SPAG1: variants seen among roughly 807,000 people sequenced by gnomAD.
SPAG1 encodes the protein sperm-associated antigen 1.
In SPAG1, 69 loss-of-function variants were observed where a neutral mutation model predicts 100.5. The observed-to-expected ratio is 0.69, with a 90% CI of 0.57 to 0.84. SPAG1 has a LOEUF of 0.84. Among genes scored for constraint, SPAG1 ranks in the 40% least tolerant of loss-of-function variants. SPAG1 has a pLI of 0.00. For missense variants in SPAG1, 955 were observed against 1,133.1 expected, an observed-to-expected ratio of 0.84 and a Z score of 2.26; for synonymous variants, 336 against 411.6, an observed-to-expected ratio of 0.82 and a Z score of 2.22.
At chr8:100,197,538 C>A (rs1036646731) in intron 10 of SPAG1, among the ~76,000 whole-genome samples, 7 of 152,138 alleles carry the variant, frequency 4.6e-5, no homozygotes, top group Admixed American at 4.6e-4. Flanking sequence ...GCCTTGGACA[C>A]AAGAGAAGCA....
chr8:100,212,427 A>T (rs1036215981), intron 10 of SPAG1, among the ~76,000 whole-genome samples: 21 of 152,208 alleles, frequency 1.4e-4, no homozygotes, highest in Non-Finnish European at 2.6e-4. Context: ...TCCTTTTTAT[A>T]TTTAAAAATA....
intron 3 of SPAG1, among the ~76,000 whole-genome samples, chr8:100,170,925 C>T (rs1303051882): frequency 6.6e-6 from 1 of 151,948 alleles, no homozygotes; most frequent in Non-Finnish European, 1.5e-5. Context: ...TCGCCTATTT[C>T]CCAGTCTTAC....
At chr8:100,231,310 A>G (rs1363054904) in intron 15 of SPAG1, 22 bp downstream of exon 15, 4 of 1,413,642 alleles carry the variant, frequency 2.8e-6, no homozygotes, top group East Asian at 4.6e-5. Context: ...GTAACTTTAT[A>G]TATTTCTTAT....
At chr8:100,190,663 C>CTTTT (rs758612610) in intron 8 of SPAG1, among the ~76,000 whole-genome samples, 5 of 111,796 alleles carry the variant, frequency 4.5e-5, no homozygotes, top group Non-Finnish European at 5.3e-5. Context: ...CTTTTTTTTT[C>CTTTT]TTTTTTTTTT....
At chr8:100,165,506 G>A (rs575259984) in intron 2 of SPAG1, 6 of 362,842 alleles carry the variant, frequency 1.7e-5, no homozygotes, top group Non-Finnish European at 3.1e-5. Context: ...CAGAACCCAC[G>A]CCAACTCCGC....
chr8:100,174,970 C>CTT (rs71274961), intron 3 of SPAG1, among the ~76,000 whole-genome samples: 1 of 136,346 alleles, frequency 7.3e-6, no homozygotes. Flanking sequence ...TATTTCATGG[C>CTT]TTTTTTTTTT....
Position 100,190,939 on chromosome 8 carries a change from G to A in SPAG1, c.833-451G>A, listed in dbSNP as rs367592481. Among the ~76,000 whole-genome samples, 26 of 152,044 alleles carry A rather than the reference G, an allele frequency of 1.7e-4. 1 individual carries two copies. Among genetic ancestry groups the A allele is most frequent in the African/African-American group, 6.3e-4 (26 of 41,482 alleles). On this transcript the variant is annotated intron_variant, in intron 8 of 18. Coordinates refer to ENST00000388798, the MANE Select transcript of SPAG1 (RefSeq NM_003114.5). Reference sequence around the variant, plus strand: ...CCCACCTCAGGCCCCCAAATTGTTGGGATTACAGGTGTGAGCCACTGTGCC... The same window carrying A: ...CCCACCTCAGGCCCCCAAATTGTTGAGATTACAGGTGTGAGCCACTGTGCC...
At chr8:100,191,283 T>TA in intron 8 of SPAG1, 107 bp from the exon 9 acceptor site, 1 of 688,270 alleles carries the variant, frequency 1.5e-6, no homozygotes, top group Non-Finnish European at 2.5e-6. Flanking sequence ...TTTGGGTAAT[T>TA]ACATCCTAAA....
At position 100,168,151 on chromosome 8, in the gene SPAG1, G is replaced by A. The variant is rs1402151563; in HGVS notation, c.300+2178G>A. Among the ~76,000 whole-genome samples the A allele has an allele frequency of 2.0e-5, 3 of 152,134 alleles. No homozygotes were observed. In the East Asian group the frequency reaches 5.8e-4, roughly 29 times the overall value. On this transcript the variant is annotated intron_variant, in intron 3 of 18. Transcript: ENST00000388798. ...GACTGCCAAAATGTTTTCCAAAGTG[G>A]CTGTACCATTGTGCAATCCTGACAG... is the stretch of plus-strand genomic sequence containing the variant.
intron 10 of SPAG1, among the ~76,000 whole-genome samples, chr8:100,206,813 C>T (rs1210786202): frequency 1.3e-5 from 2 of 152,288 alleles, no homozygotes; most frequent in East Asian, 1.9e-4. Flanking sequence ...GCCCATTTAT[C>T]GAGTGACCTG....
chr8:100,160,604 G>A (rs1383024475), intron 1 of SPAG1, among the ~76,000 whole-genome samples: 1 of 145,708 alleles, frequency 6.9e-6, no homozygotes, highest in Admixed American at 7.0e-5. Flanking sequence ...TCCAGCCTGG[G>A]TGACAGAGCA....
intron 2 of SPAG1, 141 bp from the exon 3 acceptor site, chr8:100,165,673 C>A: frequency 1.6e-6 from 1 of 608,668 alleles, no homozygotes; most frequent in Non-Finnish European, 2.9e-6. Flanking sequence ...GGAGACTATG[C>A]GGGTTAAGGA....
At position 100,240,502 on chromosome 8, in the gene SPAG1, G is replaced by A. The variant is rs763331774; in HGVS notation, c.2380G>A (p.Asp794Asn). 3 of 1,614,036 alleles carry A rather than the reference G, an allele frequency of 1.9e-6. No homozygotes were observed. Among genetic ancestry groups the A allele is most frequent in the East Asian group, 2.2e-5 (1 of 44,900 alleles). The change falls in exon 18 of 19, where the codon GAC becomes AAC. Residue 794 changes from aspartate to asparagine, a missense_variant. By Grantham distance (23) the Asp-to-Asn change is conservative. Transcript: ENST00000388798. ...AGGCAAAAGCAGCAGGTCACCAGAA[G>A]ACCCTGAGAAACTTCCGATAGCCAA... ...KGGKSSRSPE[D>N]PEKLPIAKPN...
intron 4 of SPAG1, among the ~76,000 whole-genome samples, chr8:100,183,073 A>G (rs1816433287): frequency 6.6e-6 from 1 of 152,152 alleles, no homozygotes; most frequent in African/African-American, 2.4e-5. Flanking sequence ...TCCCAGGTTC[A>G]AGCAATTCTC....
At chr8:100,177,769 G>C in intron 3 of SPAG1, 47 bp from the exon 4 acceptor site, 1 of 1,156,524 alleles carries the variant, frequency 8.6e-7, no homozygotes, top group South Asian at 1.5e-5. Flanking sequence ...CTTATGCTTG[G>C]TTATAATTAT....
intron 14 of SPAG1, among the ~76,000 whole-genome samples, chr8:100,226,627 A>G (rs1452608945): frequency 9.2e-5 from 14 of 152,022 alleles, no homozygotes. Flanking sequence ...TCCCGAGCCC[A>G]GGAAGGTTGA....
At chr8:100,222,944 C>G (rs184537491) in intron 13 of SPAG1, among the ~76,000 whole-genome samples, 1 of 152,138 alleles carries the variant, frequency 6.6e-6, no homozygotes, top group African/African-American at 2.4e-5. Flanking sequence ...TCCCCCCAGC[C>G]CCTGGCAACC....
At chr8:100,196,688 G>A (rs1473051018) in intron 10 of SPAG1, among the ~76,000 whole-genome samples, 1 of 151,884 alleles carries the variant, frequency 6.6e-6, no homozygotes, top group Non-Finnish European at 1.5e-5. Flanking sequence ...TCATTTTGTA[G>A]AAGTACAATT....
chr8:100,241,892 A>C lies in SPAG1; in HGVS notation c.*870A>C, dbSNP rs1415060405. On this transcript the variant is annotated 3_prime_UTR_variant, in exon 19 of 19. Coordinates refer to ENST00000388798, the MANE Select transcript of SPAG1 (RefSeq NM_003114.5). The surrounding 1 kb of genome is among the most constrained non-coding windows in gnomAD (Gnocchi z 5.1). ...TTGTTGACTGGGTCAAAGTGAAGGA[A>C]TTTCAATCTCCATCAGTGTACTGTC... 6.6e-6 allele frequency: 1 copy of C among 152,220 alleles called. No homozygotes were observed. Among genetic ancestry groups the C allele is most frequent in the Non-Finnish European group, 1.5e-5 (1 of 68,034 alleles). 9.4% of individuals were successfully genotyped at this position (152,220 alleles called of 1,614,324 possible).
Sources: allele counts gnomAD v4.1 joint callset (sites outside exome capture counted in the v4.1 genomes callset), GRCh38; gene constraint gnomAD v4.1.1; non-coding constraint Gnocchi (gnomAD v3.1); transcripts MANE v1.5; gene names NCBI Gene and HGNC (gene_info 2026-07-23, HGNC 2026-07-21).